The following DMD variants were observed in gnomAD, a reference collection of about 807,000 sequenced individuals.
The protein encoded by DMD is mutant dystrophin.
A neutral mutation model predicts 330.1 loss-of-function variants in DMD; 63 were observed. The observed-to-expected ratio is 0.19, with a 90% confidence interval of 0.16 to 0.24. The LOEUF is 0.24. Among genes scored for constraint, DMD ranks in the 10% least tolerant of loss-of-function variants. The pLI is 1.00. For missense variants in DMD, 3,344 were observed against 2,684.1 expected (o/e 1.25, Z -5.43); for synonymous variants, 1,223 against 959.8 (o/e 1.27, Z -5.07).
intron 44 of DMD, among the ~76,000 whole-genome samples, chrX:32,081,647 G>T (rs1371270855): frequency 9.0e-6 from 1 of 111,324 alleles, no homozygotes; most frequent in East Asian, 2.8e-4. Flanking sequence ...CTGAGGTCGG[G>T]TGTTTGAGAC....
rs930770970 is a variant in DMD, at chrX:31,762,920, G to A, written c.7542+11040C>T. Among the ~76,000 whole-genome samples the A allele has an allele frequency of 2.0e-4, 23 of 112,329 alleles. No homozygotes were observed. In the Admixed American group the frequency reaches 2.2e-3, roughly 11 times the overall value. The stretch of plus-strand genomic sequence containing the variant: ...TTCATCATTGACCAAAACAAGACAT[G>A]AATCATATTGCATTTAACAGTTAAG... On this transcript the variant is annotated intron_variant, in intron 51 of 78. Coordinates refer to ENST00000357033, the MANE Select transcript of DMD (RefSeq NM_004006.3).
chrX:31,763,292 G>T (rs1481292916), intron 51 of DMD, among the ~76,000 whole-genome samples: 1 of 112,576 alleles, frequency 8.9e-6, no homozygotes, highest in Admixed American at 9.4e-5. Context: ...AGCCGGGCAC[G>T]GTGGCTCACG....
chrX:32,104,037 A>G lies in DMD; in HGVS notation c.6438+112879T>C, dbSNP rs371042029. On this transcript the variant is annotated intron_variant, in intron 44 of 78. Coordinates refer to ENST00000357033, the MANE Select transcript of DMD (RefSeq NM_004006.3). ...CACGGCAGCAAACCCCTCAGAGTTC[A>G]GGGCTTGGGAGTGGGGGAGTGGGAT... Among the ~76,000 whole-genome samples, 5 of 110,976 alleles carry G rather than the reference A, an allele frequency of 4.5e-5. No homozygotes were observed. In the East Asian group the frequency reaches 1.1e-3, roughly 25 times the overall value.
At chrX:31,935,762 TAAGGAA>T (rs1454509277) in intron 45 of DMD, among the ~76,000 whole-genome samples, 1 of 94,204 alleles carries the variant, frequency 1.1e-5, no homozygotes, top group Non-Finnish European at 2.1e-5. Context: ...CAGACACGTT[TAAGGAA>T]AAGAAAACCC....
rs142531761 is a variant in DMD, at chrX:31,932,110, C to G, written c.6732G>C (p.Gln2244His). The change falls in exon 46 of 79, where the codon CAG becomes CAC. Residue 2244 changes from glutamine (Q) to histidine (H), a missense_variant. Coordinates refer to ENST00000357033, the MANE Select transcript of DMD (RefSeq NM_004006.3). ...CTTGCTCAAGCTTTTCTTTTAGTTG[C>G]TGCTCTTTTCCAGGTTCAAGTGGGA... ...ASIPLEPGKE[Q>H]QLKEKLEQVK... The G allele has an allele frequency of 5.8e-5, 70 of 1,209,271 alleles. No homozygotes were observed. The African/African-American group carries it at 1.2e-3, about 21-fold the overall frequency.
At chrX:32,460,130 A>C (rs781649322) in intron 25 of DMD, among the ~76,000 whole-genome samples, 11 of 111,260 alleles carry the variant, frequency 9.9e-5, no homozygotes, top group African/African-American at 1.6e-4. Flanking sequence ...AAAAAATTCC[A>C]CATCGGTAAT....
intron 60 of DMD, among the ~76,000 whole-genome samples, chrX:31,378,050 C>T (rs5927743): frequency 0.013 from 1,423 of 111,216 alleles, 7 homozygotes; most frequent in Non-Finnish European, 0.02. Flanking sequence ...TATAAAACGG[C>T]CCCACCCCTG....
At chrX:32,084,482 C>T (rs1010343653) in intron 44 of DMD, among the ~76,000 whole-genome samples, 1 of 111,360 alleles carries the variant, frequency 9.0e-6, no homozygotes, top group Non-Finnish European at 1.9e-5. Flanking sequence ...CTAATACATA[C>T]AAAGACTCAG....
At chrX:32,105,746 T>C in intron 44 of DMD, among the ~76,000 whole-genome samples, 1 of 111,932 alleles carries the variant, frequency 8.9e-6, no homozygotes, top group South Asian at 3.7e-4. Context: ...TCATATTTGA[T>C]AATCCAGCAT....
At chrX:32,742,719 A>C (rs1156923530) in intron 7 of DMD, among the ~76,000 whole-genome samples, 1 of 112,169 alleles carries the variant, frequency 8.9e-6, no homozygotes, top group Non-Finnish European at 1.9e-5. Flanking sequence ...CAGTAGGTAT[A>C]AGGAAAAAGG....
intron 13 of DMD, among the ~76,000 whole-genome samples, chrX:32,575,918 C>T (rs191279595): frequency 8.7e-4 from 98 of 112,017 alleles, no homozygotes; most frequent in Non-Finnish European, 1.4e-3. Flanking sequence ...CTCTCTAGTG[C>T]TACAAGACAT....
rs2095871481 is a variant in DMD at position 32,029,829 on chromosome X, T to C, written c.6439-61315A>G. 4.5e-5 allele frequency among the ~76,000 whole-genome samples: 5 copies of C among 111,974 alleles called. No homozygotes were observed. In the Admixed American group the frequency reaches 4.7e-4, roughly 11 times the overall value. ...ATGTTAGTCTATGTGGATGGTCGTG[T>C]AATATTCTCCGGTAACCTTTCCCCC... On this transcript the variant is annotated intron_variant, in intron 44 of 78. Transcript: ENST00000357033.
At chrX:32,934,757 C>G (rs917013616) in intron 2 of DMD, among the ~76,000 whole-genome samples, 3 of 112,138 alleles carry the variant, frequency 2.7e-5, no homozygotes, top group Non-Finnish European at 5.6e-5. Flanking sequence ...TACACTAGTT[C>G]TTCACTCTTT....
chrX:32,116,023 A>G (rs1046231390), intron 44 of DMD, among the ~76,000 whole-genome samples: 4 of 112,098 alleles, frequency 3.6e-5, no homozygotes, highest in African/African-American at 1.3e-4. Flanking sequence ...ATGTCCTGTC[A>G]AAATTATGAA....
rs371565660 is a variant in DMD at position 31,601,135 on chromosome X, A to G, written c.8217+26538T>C. Among the ~76,000 whole-genome samples, 273 of 111,969 alleles carry G rather than the reference A, an allele frequency of 2.4e-3. 7 individuals are homozygous for G. In the South Asian group the frequency reaches 0.095, roughly 39 times the overall value. ...TTAATGGGCATGAAAGTTATCAGTA[A>G]ACTGTAAGTGCCATACCGATGTTGA... is the stretch of plus-strand genomic sequence containing the variant. On this transcript the variant is annotated intron_variant, in intron 55 of 78. Transcript: ENST00000357033.
chrX:32,275,699 T>C (rs2097383562), intron 43 of DMD, among the ~76,000 whole-genome samples: 1 of 111,813 alleles, frequency 8.9e-6, no homozygotes, highest in South Asian at 3.7e-4. Flanking sequence ...ACTAGTTACT[T>C]AGTAAATCAT....
chrX:31,725,047 G>A (rs913586295), intron 52 of DMD, among the ~76,000 whole-genome samples: 1 of 111,753 alleles, frequency 8.9e-6, no homozygotes, highest in African/African-American at 3.2e-5. Flanking sequence ...ATTTTAAGTT[G>A]TCAGATAAAT....
chrX:32,644,302 C>A lies in DMD; in HGVS notation c.1161G>T (p.Met387Ile). ...DQFHTHEGYM[M>I]DLTAHQGRVG... ...CCCGGCCCTGATGGGCTGTCAAATC[C>A]ATCATGTACCCCTGACAAAGAAGGA... The change falls in exon 11 of 79, where the codon ATG becomes ATT. Residue 387 changes from methionine (M) to isoleucine (I), a missense_variant. Physicochemically the swap from Met to Ile is conservative, Grantham distance 10. Coordinates refer to ENST00000357033, the MANE Select transcript of DMD (RefSeq NM_004006.3). 8.3e-7 allele frequency: 1 copy of A among 1,210,514 alleles called. No individual in the cohort carries two copies. The highest frequency in any genetic ancestry group is 1.1e-6 in the Non-Finnish European group (1 of 894,748).
At chrX:31,997,167 A>G (rs116347230) in intron 44 of DMD, among the ~76,000 whole-genome samples, 8,712 of 111,575 alleles carry the variant, frequency 0.078, 335 homozygotes, top group African/African-American at 0.13. Flanking sequence ...TGTATACTGC[A>G]TCTTATGTGA....
Sources: allele counts gnomAD v4.1 joint callset (sites outside exome capture counted in the v4.1 genomes callset), GRCh38; gene constraint gnomAD v4.1.1; transcripts MANE v1.5; gene names NCBI Gene and HGNC (gene_info 2026-07-23, HGNC 2026-07-21).